SIL1: variants seen among roughly 807,000 people sequenced by gnomAD.
SIL1 encodes SIL1 nucleotide exchange factor.
In SIL1, 40 loss-of-function variants were observed where a neutral mutation model predicts 49.1. The observed-to-expected ratio is 0.81, with a 90% CI of 0.63 to 1.06. SIL1 has a LOEUF of 1.06. Among genes scored for constraint, SIL1 ranks in the 50% least tolerant of loss-of-function variants. The pLI is 0.00. For synonymous variants in SIL1, 253 were observed against 250.8 expected (o/e 1.01, Z -0.08); for missense variants, 500 against 572.6 (o/e 0.87, Z 1.29).
intron 1 of SIL1, among the ~76,000 whole-genome samples, chr5:139,145,360 C>T (rs1016378949): frequency 4.6e-5 from 7 of 152,136 alleles, no homozygotes; most frequent in African/African-American, 1.7e-4. Flanking sequence ...AACTGGAACC[C>T]TCATACATCA....
intron 3 of SIL1, among the ~76,000 whole-genome samples, chr5:139,095,710 C>T (rs569106311): frequency 6.6e-6 from 1 of 152,286 alleles, no homozygotes; most frequent in South Asian, 2.1e-4. Context: ...CACCTGTAGT[C>T]CCAGCTACTC....
At chr5:139,026,658 A>C (rs1257510049) in intron 6 of SIL1, 143 bp downstream of exon 6, 18 of 826,250 alleles carry the variant, frequency 2.2e-5, no homozygotes, top group Non-Finnish European at 3.4e-5. Context: ...TCTTACTACA[A>C]AAGATAACAA....
chr5:139,085,314 T>A (rs1014918814), intron 3 of SIL1, among the ~76,000 whole-genome samples: 9 of 152,096 alleles, frequency 5.9e-5, no homozygotes, highest in African/African-American at 1.7e-4. Flanking sequence ...ACAGTTCAGG[T>A]TGAGAAGTTG....
In SIL1 at chr5:138,951,745, C is replaced by G. The variant is rs753325742; in HGVS notation, c.864+43G>C. On this transcript the variant is annotated intron_variant, in intron 8 of 9. Coordinates refer to ENST00000394817, the MANE Select transcript of SIL1 (RefSeq NM_022464.5). ...GAACCCTTTCCTTTCAGGCCCCACA[C>G]GTGTCCTGGAGGCTGGGCAGGAGGA... is the stretch of plus-strand genomic sequence containing the variant. 3.1e-5 allele frequency: 48 copies of G among 1,560,544 alleles called. No homozygotes were observed. The African/African-American group carries it at 6.0e-4, about 19-fold the overall frequency.
chr5:139,172,306 T>G (rs1391245711), intron 1 of SIL1, among the ~76,000 whole-genome samples: 1 of 152,032 alleles, frequency 6.6e-6, no homozygotes, highest in African/African-American at 2.4e-5. Context: ...CAAGACACAT[T>G]ATAATCAAAC....
intron 3 of SIL1, among the ~76,000 whole-genome samples, chr5:139,066,683 C>T (rs1769712918): frequency 6.6e-6 from 1 of 152,098 alleles, no homozygotes; most frequent in East Asian, 1.9e-4. Flanking sequence ...GAGACATGGC[C>T]TCTCTACTCT....
chr5:138,996,513 A>ATTTTT (rs140943492), intron 7 of SIL1, among the ~76,000 whole-genome samples: 21 of 89,912 alleles, frequency 2.3e-4, no homozygotes, highest in East Asian at 3.3e-4. Flanking sequence ...TGCTGTGCAG[A>ATTTTT]TTTTTTTTTT....
intron 3 of SIL1, among the ~76,000 whole-genome samples, chr5:139,059,974 T>G (rs1769548286): frequency 6.6e-6 from 1 of 152,214 alleles, no homozygotes; most frequent in Non-Finnish European, 1.5e-5. Flanking sequence ...TTTACCAAAC[T>G]AGATTACAGC....
At chr5:139,014,948 T>C (rs1391424073) in intron 7 of SIL1, among the ~76,000 whole-genome samples, 1 of 152,010 alleles carries the variant, frequency 6.6e-6, no homozygotes, top group Non-Finnish European at 1.5e-5. Context: ...CAACCTTCTA[T>C]TTTCTGGGCC....
chr5:139,076,030 C>G (rs1769942523), intron 3 of SIL1, among the ~76,000 whole-genome samples: 1 of 152,180 alleles, frequency 6.6e-6, no homozygotes, highest in Non-Finnish European at 1.5e-5. Flanking sequence ...TTCCCAAGAC[C>G]CTAATGTCCT....
intron 1 of SIL1, among the ~76,000 whole-genome samples, chr5:139,142,623 G>C (rs528199607): frequency 3.3e-5 from 5 of 151,984 alleles, no homozygotes; most frequent in Non-Finnish European, 5.9e-5. Context: ...AATAAACCCG[G>C]AATAGAAAAG....
chr5:139,168,391 A>G (rs1751666771), intron 1 of SIL1, among the ~76,000 whole-genome samples: 1 of 152,214 alleles, frequency 6.6e-6, no homozygotes, highest in African/African-American at 2.4e-5. Context: ...CGTTTCCCCC[A>G]ACTTCACGGC....
intron 3 of SIL1, among the ~76,000 whole-genome samples, chr5:139,067,819 T>C (rs1229145593): frequency 6.6e-6 from 1 of 152,250 alleles, no homozygotes. Flanking sequence ...GTTCATTCCA[T>C]TTGACCCAGC....
intron 7 of SIL1, among the ~76,000 whole-genome samples, chr5:139,011,314 C>G (rs1481559491): frequency 6.6e-6 from 1 of 152,202 alleles, no homozygotes; most frequent in Non-Finnish European, 1.5e-5. Context: ...CCTCGCCCTG[C>G]TTCGGCTCCC....
chr5:139,127,667 C>G, intron 2 of SIL1, 72 bp downstream of exon 2: 1 of 1,246,802 alleles, frequency 8.0e-7, no homozygotes, highest in Non-Finnish European at 1.1e-6. Context: ...ACTCCCACAA[C>G]AGCCCTGGTG....
chr5:139,048,064 T>C (rs375037795), intron 4 of SIL1, among the ~76,000 whole-genome samples: 8 of 152,242 alleles, frequency 5.3e-5, no homozygotes, highest in African/African-American at 1.4e-4. Context: ...TGAGTTCTCA[T>C]AGTATAAAAA....
intron 7 of SIL1, among the ~76,000 whole-genome samples, chr5:138,972,017 C>A (rs1407226982): frequency 6.6e-6 from 1 of 152,186 alleles, no homozygotes; most frequent in African/African-American, 2.4e-5. Flanking sequence ...ACAGATGACA[C>A]CCTCCAAAAG....
intron 7 of SIL1, among the ~76,000 whole-genome samples, chr5:138,953,695 C>G (rs544835985): frequency 1.8e-5 from 1 of 54,762 alleles, no homozygotes; most frequent in East Asian, 2.6e-4. Context: ...CTGCCCCCCA[C>G]GACTTGAGAC....
intron 3 of SIL1, among the ~76,000 whole-genome samples, chr5:139,108,869 A>G (rs1209212404): frequency 6.6e-6 from 1 of 151,956 alleles, no homozygotes; most frequent in Non-Finnish European, 1.5e-5. Context: ...AAGGAGGGGA[A>G]AAGGGAAAAG....
Sources: gnomAD v4.1 joint callset for allele counts (sites outside exome capture counted in the v4.1 genomes callset) on GRCh38, gnomAD v4.1.1 for gene constraint, MANE v1.5 for transcripts, NCBI Gene and HGNC (gene_info 2026-07-23, HGNC 2026-07-21) for gene names.